The following PCDHA13 variants were observed in gnomAD, a reference collection of about 807,000 sequenced individuals.
PCDHA13 encodes protocadherin alpha-13.
In PCDHA13, 54 loss-of-function variants were observed where a neutral mutation model predicts 64.8. The observed-to-expected ratio is 0.83, with a 90% confidence interval of 0.67 to 1.04. The LOEUF is 1.04. Among genes scored for constraint, PCDHA13 ranks in the 50% least tolerant of loss-of-function variants. PCDHA13 has a pLI of 0.00. For missense variants in PCDHA13, 1,248 were observed against 1,254.3 expected, an observed-to-expected ratio of 0.99 and a Z score of 0.08; for synonymous variants, 587 against 564.4, an observed-to-expected ratio of 1.04 and a Z score of -0.57.
chr5:140,990,535 A>T (rs1450949471), intron 3 of PCDHA13, among the ~76,000 whole-genome samples: 1 of 152,182 alleles, frequency 6.6e-6, no homozygotes, highest in African/African-American at 2.4e-5. Context: ...ACTGTGCATC[A>T]TAGATACTGT....
At chr5:140,984,973 T>C (rs1397062066) in intron 3 of PCDHA13, among the ~76,000 whole-genome samples, 1 of 152,150 alleles carries the variant, frequency 6.6e-6, no homozygotes, top group Non-Finnish European at 1.5e-5. Context: ...AGTCTCGCTC[T>C]GTCCCCCAGG....
intron 1 of PCDHA13, among the ~76,000 whole-genome samples, chr5:140,905,708 C>T (rs1372981287): frequency 1.1e-4 from 16 of 152,092 alleles, no homozygotes; most frequent in Non-Finnish European, 1.6e-4. Context: ...TTATGATTTC[C>T]TTCAGCAGTG....
rs782399296 is a variant in PCDHA13, at chr5:140,882,732, A to G, written c.464A>G (p.Asp155Gly). 3 of 1,614,228 alleles carry G rather than the reference A, an allele frequency of 1.9e-6. No individual in the cohort carries two copies. Among genetic ancestry groups the G allele is most frequent in the Non-Finnish European group, 2.5e-6 (3 of 1,180,036 alleles). ...CCTCCGGAAACTCGATTTCCACTAG[A>G]TGGCGCATCCGATGCAGATATTGGA... ...SRPPETRFPL[D>G]GASDADIGVN... The change falls in exon 1 of 4, where the codon GAT (aspartate) becomes GGT (glycine). Residue 155 changes from aspartate (D) to glycine (G), a missense_variant. Transcript: ENST00000289272.
Position 141,009,995 on chromosome 5 carries a change from C to T in PCDHA13, c.*58C>T, listed in dbSNP as rs1178395504. 6.3e-7 allele frequency: 1 copy of T among 1,576,476 alleles called. No individual in the cohort carries two copies. The highest frequency in any genetic ancestry group is 8.6e-7 in the Non-Finnish European group (1 of 1,165,244). ...TTTTTGTAATAATGGCAAATCTCTC[C>T]CATGTAGCAATTCCCTGCTCCTTTT... On this transcript the variant is annotated 3_prime_UTR_variant, in exon 4 of 4. Coordinates refer to ENST00000289272, the MANE Select transcript of PCDHA13 (RefSeq NM_018904.3).
At chr5:140,978,887 A>C (rs1367734690) in intron 1 of PCDHA13, 62 bp from the exon 2 acceptor site, 14 of 1,611,648 alleles carry the variant, frequency 8.7e-6, no homozygotes, top group Admixed American at 1.7e-5. Flanking sequence ...ATCAATTAGC[A>C]GCATTCCTGG....
chr5:140,929,461 C>A, intron 1 of PCDHA13: 1 of 1,314,566 alleles, frequency 7.6e-7, no homozygotes, highest in Non-Finnish European at 1.0e-6. Context: ...CTTCCTGTGC[C>A]AAGAAATCTG....
intron 1 of PCDHA13, among the ~76,000 whole-genome samples, chr5:140,913,425 G>A (rs919355007): frequency 1.1e-4 from 16 of 152,094 alleles, no homozygotes; most frequent in African/African-American, 1.2e-4. Context: ...AGTATCAGTT[G>A]TAATGCCTCC....
intron 2 of PCDHA13, 35 bp downstream of exon 2, chr5:140,979,042 C>T (rs782163702): frequency 6.2e-7 from 1 of 1,612,562 alleles, no homozygotes; most frequent in African/African-American, 1.3e-5. Context: ...TCAGAAGTAA[C>T]CTTAACTTGG....
At chr5:140,940,369 T>C (rs1554213311) in intron 1 of PCDHA13, among the ~76,000 whole-genome samples, 1 of 152,212 alleles carries the variant, frequency 6.6e-6, no homozygotes, top group Admixed American at 6.5e-5. Context: ...AAAGTATTCC[T>C]TGAGTTGTTA....
intron 1 of PCDHA13, chr5:140,967,449 C>T (rs2096141880): frequency 1.2e-6 from 2 of 1,613,586 alleles, no homozygotes; most frequent in Non-Finnish European, 1.7e-6. Context: ...CTGGTTCTCA[C>T]AGCCGTGGAT....
At position 140,947,211 on chromosome 5, in the gene PCDHA13, T is replaced by A. The variant is rs562676640; in HGVS notation, c.2395-31738T>A. Among the ~76,000 whole-genome samples, 51 of 151,298 alleles carry A rather than the reference T, an allele frequency of 3.4e-4. 1 individual carries two copies. In the South Asian group the frequency reaches 0.011, roughly 32 times the overall value. On this transcript the variant is annotated intron_variant, in intron 1 of 3. Transcript: ENST00000289272. ...ACTACACAGCCTTAAAAAAAGAAAA[T>A]CCTGTCATTTATGACAGGAAAAAAA...
At chr5:140,941,215 C>CTTTCTTTCTTTCTT (rs2092887387) in intron 1 of PCDHA13, among the ~76,000 whole-genome samples, 1 of 104,510 alleles carries the variant, frequency 9.6e-6, no homozygotes, top group African/African-American at 3.7e-5. Context: ...TTCTTTCTTC[C>CTTTCTTTCTTTCTT]TTTCTTTCTT....
chr5:140,933,333 A>G (rs1215342457), intron 1 of PCDHA13, among the ~76,000 whole-genome samples: 1 of 152,032 alleles, frequency 6.6e-6, no homozygotes, highest in Non-Finnish European at 1.5e-5. Flanking sequence ...TGTGCTGTAG[A>G]GAAAGATAAA....
Position 140,882,947 on chromosome 5 carries a change from C to G in PCDHA13, c.679C>G (p.Gln227Glu). The G allele has an allele frequency of 6.2e-7, 1 of 1,614,162 alleles. No individual in the cohort carries two copies. The highest frequency in any genetic ancestry group is 8.5e-7 in the Non-Finnish European group (1 of 1,180,040). ...TAAACCCGAGCTGACTGGCACAGTT[C>G]AGCTGCTCATCACGATTCTGGACGT... ...GGKPELTGTV[Q>E]LLITILDVND... Residue 227 changes from glutamine to glutamate, a missense_variant, in exon 1 of 4, where the codon CAG (glutamine) becomes GAG (glutamate). Transcript: ENST00000289272.
rs1052880282 is a variant in PCDHA13 at position 140,969,588 on chromosome 5, T to C, written c.2395-9361T>C. On this transcript the variant is annotated intron_variant, in intron 1 of 3. Coordinates refer to ENST00000289272, the MANE Select transcript of PCDHA13 (RefSeq NM_018904.3). ...TTGTTTGAGAAGTGAGGATTAGTCT[T>C]AATATTTAATGCTAAAACACAGATT... 31 of 849,754 alleles carry C rather than the reference T, an allele frequency of 3.6e-5. No individual in the cohort carries two copies. The African/African-American group carries it at 5.3e-4, about 15-fold the overall frequency. The allele number at this position is 849,754 out of a possible 1,614,324, so 52.6% of individuals were successfully genotyped here. A position where few individuals can be genotyped will look rare whatever the true frequency, so the allele number is the denominator to read the frequency against.
Position 140,993,509 on chromosome 5 carries a change from CGGGGAGAGAG to C in PCDHA13, c.2542+10947_2542+10956del, listed in dbSNP as rs2097568307. Among the ~76,000 whole-genome samples, 3 of 143,488 alleles carry C rather than the reference CGGGGAGAGAG, an allele frequency of 2.1e-5. No homozygotes were observed. In the Admixed American group the frequency reaches 2.1e-4, roughly 10 times the overall value. 94.1% of individuals were successfully genotyped at this position (143,488 alleles called of 152,430 possible). A position where few individuals can be genotyped will look rare whatever the true frequency, so the allele number is the denominator to read the frequency against. On this transcript the variant is annotated intron_variant, in intron 3 of 3. Coordinates refer to ENST00000289272, the MANE Select transcript of PCDHA13 (RefSeq NM_018904.3). Reference sequence around the variant, plus strand: ...ACACACACACACACACACACACACACGGGGAGAGAGAGACAGAGAGAGAGAGAGATAGAGA... The same window carrying C: ...ACACACACACACACACACACACACACAGACAGAGAGAGAGAGAGATAGAGA...
chr5:140,927,131 C>T (rs782433395), intron 1 of PCDHA13: 1 of 1,614,078 alleles, frequency 6.2e-7, no homozygotes, highest in Non-Finnish European at 8.5e-7. Context: ...GTCAGAGAGC[C>T]GGCGGACCGC....
intron 1 of PCDHA13, among the ~76,000 whole-genome samples, chr5:140,904,268 A>G (rs989389819): frequency 1.3e-5 from 2 of 152,004 alleles, no homozygotes; most frequent in African/African-American, 4.8e-5. Context: ...CCACTTATGA[A>G]TGAGAACATG....
intron 1 of PCDHA13, among the ~76,000 whole-genome samples, chr5:140,902,661 C>T (rs1554190552): frequency 6.6e-6 from 1 of 152,036 alleles, no homozygotes; most frequent in Non-Finnish European, 1.5e-5. Flanking sequence ...CACCTGTCAC[C>T]CAAGCAGTGT....
Sources: gnomAD v4.1 joint callset for allele counts (sites outside exome capture counted in the v4.1 genomes callset) on GRCh38, gnomAD v4.1.1 for gene constraint, MANE v1.5 for transcripts, NCBI Gene and HGNC (gene_info 2026-07-23, HGNC 2026-07-21) for gene names.